GRIK2: variants seen among roughly 807,000 people sequenced by gnomAD.
The protein encoded by GRIK2 is glutamate ionotropic receptor kainate type subunit 2, also known as glutamate receptor ionotropic, kainate 2.
Under a neutral mutation model 100.3 loss-of-function variants are expected in GRIK2, and 32 were observed. The ratio of observed to expected loss-of-function variants is 0.32; its 90% CI spans 0.24 to 0.43. The LOEUF is 0.43. Ranked by LOEUF, GRIK2 falls within the 20% of genes least tolerant of loss-of-function variation. GRIK2 has a pLI of 1.00. For missense variants in GRIK2, 843 were observed against 1,114.9 expected (o/e 0.76, Z 3.47); for synonymous variants, 417 against 389.4 (o/e 1.07, Z -0.83).
intron 14 of GRIK2, among the ~76,000 whole-genome samples, chr6:102,005,227 C>T (rs924610217): frequency 7.1e-6 from 1 of 141,512 alleles, no homozygotes; most frequent in Admixed American, 6.8e-5. Flanking sequence ...ATAATACACA[C>T]ATACAATCAT....
At chr6:101,477,971 A>G (rs1562166208) in intron 2 of GRIK2, among the ~76,000 whole-genome samples, 1 of 152,164 alleles carries the variant, frequency 6.6e-6, no homozygotes, top group Non-Finnish European at 1.5e-5. Context: ...TGAAACATAT[A>G]CTGTCTGTGC....
intron 12 of GRIK2, among the ~76,000 whole-genome samples, chr6:101,918,263 G>A (rs988697411): frequency 6.6e-6 from 1 of 151,514 alleles, no homozygotes; most frequent in East Asian, 1.9e-4. Flanking sequence ...TTCTAGAAAG[G>A]CCATTTCAGC....
chr6:102,040,404 A>C (rs911947146), intron 15 of GRIK2, among the ~76,000 whole-genome samples: 4 of 151,548 alleles, frequency 2.6e-5, no homozygotes, highest in Admixed American at 1.3e-4. Flanking sequence ...ATAATCCTCA[A>C]GTAACTTTTA....
At chr6:102,008,884 G>C (rs1795378135) in intron 14 of GRIK2, among the ~76,000 whole-genome samples, 1 of 151,872 alleles carries the variant, frequency 6.6e-6, no homozygotes, top group African/African-American at 2.4e-5. Context: ...TACATATTTT[G>C]TAAATAAATA....
At chr6:101,518,471 A>G (rs1263116796) in intron 2 of GRIK2, among the ~76,000 whole-genome samples, 2 of 152,178 alleles carry the variant, frequency 1.3e-5, no homozygotes, top group Admixed American at 6.6e-5. Flanking sequence ...AATAAGTAAG[A>G]CAAGGTAAGT....
intron 7 of GRIK2, among the ~76,000 whole-genome samples, chr6:101,731,296 A>G (rs545128262): frequency 6.6e-6 from 1 of 152,092 alleles, no homozygotes; most frequent in South Asian, 2.1e-4. Context: ...GCTGAGTGCT[A>G]CAAAGGGAAC....
In GRIK2 at chr6:101,818,465, G is replaced by T; in HGVS notation, c.1299G>T (p.Leu433Phe). The change falls in exon 10 of 17, where the codon TTG becomes TTT. Residue 433 changes from leucine to phenylalanine, a missense_variant. Physicochemically the swap from Leu to Phe is conservative, Grantham distance 22. Coordinates refer to ENST00000369134, the MANE Select transcript of GRIK2 (RefSeq NM_021956.5). ...CAGATTCCTTATCCAATCGTTCTTT[G>T]ATTGTTACCACCATTTTGGTAAGTA... ...NITDSLSNRS[L>F]IVTTILEEPY... 1 of 1,590,544 alleles carries T rather than the reference G, an allele frequency of 6.3e-7. No homozygotes were observed. Among genetic ancestry groups the T allele is most frequent in the South Asian group, 1.1e-5 (1 of 90,612 alleles).
At chr6:101,914,318 A>G (rs1788954439) in intron 12 of GRIK2, among the ~76,000 whole-genome samples, 1 of 151,400 alleles carries the variant, frequency 6.6e-6, no homozygotes, top group Non-Finnish European at 1.5e-5. Context: ...AGCATGATCA[A>G]TTTGATATTG....
At chr6:101,995,387 C>T (rs1170890441) in intron 14 of GRIK2, among the ~76,000 whole-genome samples, 3 of 151,934 alleles carry the variant, frequency 2.0e-5, no homozygotes, top group African/African-American at 7.2e-5. Flanking sequence ...GGTGGTATGA[C>T]AACTGAACGT....
intron 10 of GRIK2, among the ~76,000 whole-genome samples, chr6:101,836,463 T>C (rs1045676641): frequency 7.2e-6 from 1 of 139,104 alleles, no homozygotes; most frequent in African/African-American, 3.0e-5. Flanking sequence ...TTATATTGAT[T>C]ACATGTTGAA....
chr6:101,398,233 A>T (rs1016789100), intron 1 of GRIK2, among the ~76,000 whole-genome samples: 1 of 152,224 alleles, frequency 6.6e-6, no homozygotes, highest in African/African-American at 2.4e-5. Flanking sequence ...AAGGCTTTAG[A>T]GTTTGCTGCA....
At chr6:101,405,702 G>A (rs1339592062) in intron 2 of GRIK2, among the ~76,000 whole-genome samples, 1 of 152,142 alleles carries the variant, frequency 6.6e-6, no homozygotes, top group African/African-American at 2.4e-5. Flanking sequence ...CCTGAAGAAA[G>A]GGTAGATCAC....
rs1353434519 is a variant in GRIK2, at chr6:101,623,908, T to TAC, written c.283+1793_283+1794insCA. 4.1e-4 allele frequency among the ~76,000 whole-genome samples: 63 copies of TAC among 152,200 alleles called. No homozygotes were observed. In the Middle Eastern group the frequency reaches 0.01, roughly 25 times the overall value. ...GACACAGCAATACATAAAAACATAATATAACAGAGCCAATATTTTTTTAAC... is the reference window on the plus strand; with the variant it reads ...GACACAGCAATACATAAAAACATAATACATAACAGAGCCAATATTTTTTTAAC... On this transcript the variant is annotated intron_variant, in intron 3 of 16. Coordinates refer to ENST00000369134, the MANE Select transcript of GRIK2 (RefSeq NM_021956.5).
intron 14 of GRIK2, among the ~76,000 whole-genome samples, chr6:101,939,926 C>A (rs141568454): frequency 3.2e-3 from 479 of 152,040 alleles, no homozygotes; most frequent in Non-Finnish European, 5.3e-3. Flanking sequence ...TATGATCTAC[C>A]TGGAAAATTT....
At chr6:101,699,724 T>C (rs557614714) in intron 7 of GRIK2, among the ~76,000 whole-genome samples, 1 of 152,244 alleles carries the variant, frequency 6.6e-6, no homozygotes, top group African/African-American at 2.4e-5. Context: ...ATAGTTGCAA[T>C]TTAAGAAACA....
chr6:101,540,960 A>T (rs1398097900), intron 2 of GRIK2, among the ~76,000 whole-genome samples: 2 of 152,100 alleles, frequency 1.3e-5, no homozygotes, highest in East Asian at 3.9e-4. Context: ...AAGCAAGAAT[A>T]ATAGATCTGG....
At chr6:101,875,054 T>C (rs1394900694) in intron 11 of GRIK2, among the ~76,000 whole-genome samples, 1 of 152,170 alleles carries the variant, frequency 6.6e-6, no homozygotes, top group Non-Finnish European at 1.5e-5. Context: ...AGGGACAATT[T>C]GATTTCCTTT....
intron 11 of GRIK2, among the ~76,000 whole-genome samples, chr6:101,877,332 C>T (rs1347309311): frequency 6.6e-6 from 1 of 151,904 alleles, no homozygotes; most frequent in Non-Finnish European, 1.5e-5. Flanking sequence ...CTGTACTGAA[C>T]ATGCAGACTA....
intron 14 of GRIK2, among the ~76,000 whole-genome samples, chr6:101,979,884 G>A (rs1793611261): frequency 6.6e-6 from 1 of 152,006 alleles, no homozygotes; most frequent in African/African-American, 2.4e-5. Flanking sequence ...TGCTGCAGCA[G>A]AGAGTACGGT....
Sources: allele counts gnomAD v4.1 joint callset (sites outside exome capture counted in the v4.1 genomes callset), GRCh38; gene constraint gnomAD v4.1.1; transcripts MANE v1.5; gene names NCBI Gene and HGNC (gene_info 2026-07-23, HGNC 2026-07-21).